The following GNB4 variants were observed in gnomAD, a reference collection of about 807,000 sequenced individuals.
GNB4 encodes G protein subunit beta 4.
A neutral mutation model predicts 45.2 loss-of-function variants in GNB4; 28 were observed. That is an observed-to-expected ratio of 0.62 (90% CI 0.46 to 0.85). The LOEUF is 0.85. Among genes scored for constraint, GNB4 ranks in the 40% least tolerant of loss-of-function variants. The pLI, the probability that GNB4 is intolerant of heterozygous loss-of-function variation, is 0.00. For missense variants in GNB4, 321 were observed against 425.4 expected (o/e 0.75, Z 2.16); for synonymous variants, 132 against 143.7 (o/e 0.92, Z 0.58).
At chr3:179,436,390 CAAAATAAAATAAAATGAAAT>C (rs1308448971) in intron 1 of GNB4, among the ~76,000 whole-genome samples, 1 of 152,008 alleles carries the variant, frequency 6.6e-6, no homozygotes, top group East Asian at 1.9e-4. Flanking sequence ...AACTCCATCT[CAAAATAAAATAAAATGAAAT>C]AAAATAAAAT....
intron 1 of GNB4, among the ~76,000 whole-genome samples, chr3:179,435,439 T>C (rs1715417532): frequency 7.9e-6 from 1 of 126,920 alleles, no homozygotes. Context: ...TAAAGAGGAA[T>C]ATGAGATACA....
In GNB4 at chr3:179,451,412, G is replaced by C. The variant is rs1482111837; in HGVS notation, c.-109C>G. On this transcript the variant is annotated 5_prime_UTR_variant, in exon 1 of 10. Transcript: ENST00000232564. Reference sequence around the variant, plus strand: ...GTCCGCTGGGCGCTCAGCAGCCCCTGGAGCGCGGAGCCGGCGTGGAGAGCG... The same window carrying C: ...GTCCGCTGGGCGCTCAGCAGCCCCTCGAGCGCGGAGCCGGCGTGGAGAGCG... 5.3e-5 allele frequency: 8 copies of C among 151,192 alleles called. No homozygotes were observed. Among genetic ancestry groups the C allele is most frequent in the African/African-American group, 1.7e-4 (7 of 41,336 alleles). 9.4% of individuals were successfully genotyped at this position (151,192 alleles called of 1,614,324 possible). A position where few individuals can be genotyped will look rare whatever the true frequency, so the allele number is the denominator to read the frequency against.
chr3:179,515,296 T>C, the GNB4 span, among the ~76,000 whole-genome samples: 1 of 152,176 alleles, frequency 6.6e-6, no homozygotes, highest in Non-Finnish European at 1.5e-5. Context: ...ATTTTACAGA[T>C]TAGGAAGCTG....
At chr3:179,409,339 G>A (rs553103629) in intron 8 of GNB4, among the ~76,000 whole-genome samples, 7 of 150,846 alleles carry the variant, frequency 4.6e-5, no homozygotes, top group Admixed American at 2.6e-4. Flanking sequence ...GAGAAACCTC[G>A]TCTCCACTAA....
At chr3:179,412,215 C>T (rs1427179356) in intron 8 of GNB4, among the ~76,000 whole-genome samples, 1 of 152,094 alleles carries the variant, frequency 6.6e-6, no homozygotes, top group Non-Finnish European at 1.5e-5. Flanking sequence ...TCCTTGTAAT[C>T]CCAGCACTTT....
At chr3:179,496,465 C>G in the GNB4 span, among the ~76,000 whole-genome samples, 1 of 152,012 alleles carries the variant, frequency 6.6e-6, no homozygotes, top group Non-Finnish European at 1.5e-5. Context: ...AGACAACAAA[C>G]AAGACGGCAA....
At chr3:179,469,102 C>G in the GNB4 span, among the ~76,000 whole-genome samples, 1 of 152,194 alleles carries the variant, frequency 6.6e-6, no homozygotes, top group Non-Finnish European at 1.5e-5. Flanking sequence ...TGCTCCCCTT[C>G]TCTTGGAGTT....
chr3:179,451,471 A>C (rs1715873719), upstream of GNB4: 1 of 150,798 alleles, frequency 6.6e-6, no homozygotes, highest in African/African-American at 2.4e-5. Context: ...CGCCGGCCAC[A>C]CCCAGTCCCG....
the GNB4 span, among the ~76,000 whole-genome samples, chr3:179,461,674 C>A: frequency 1.4e-4 from 22 of 152,288 alleles, no homozygotes; most frequent in African/African-American, 5.3e-4. Flanking sequence ...CAATGATTGT[C>A]TAATAAATCT....
the GNB4 span, chr3:179,464,563 T>G: frequency 6.5e-7 from 1 of 1,548,014 alleles, no homozygotes; most frequent in South Asian, 1.1e-5. Flanking sequence ...CTGAGCATGA[T>G]CCTGGTTGGC....
the GNB4 span, among the ~76,000 whole-genome samples, chr3:179,477,428 G>C: frequency 6.6e-6 from 1 of 152,150 alleles, no homozygotes; most frequent in African/African-American, 2.4e-5. Context: ...AAGCCCTCAG[G>C]TTGGACAAAA....
the GNB4 span, among the ~76,000 whole-genome samples, chr3:179,501,309 T>G: frequency 6.6e-6 from 1 of 151,562 alleles, no homozygotes; most frequent in Non-Finnish European, 1.5e-5. Context: ...TTTTTTTTTT[T>G]TTTTTTTGAG....
chr3:179,509,393 A>G, the GNB4 span, among the ~76,000 whole-genome samples: 1 of 152,306 alleles, frequency 6.6e-6, no homozygotes, highest in East Asian at 1.9e-4. Flanking sequence ...AGATATTCAC[A>G]CTGGCATTCT....
the GNB4 span, among the ~76,000 whole-genome samples, chr3:179,472,991 T>G: frequency 0.028 from 4,215 of 152,162 alleles, 98 homozygotes; most frequent in Non-Finnish European, 0.047. Flanking sequence ...GTGAAACCCC[T>G]TCTCTACTAA....
At chr3:179,409,808 C>CAAAA (rs56675254) in intron 8 of GNB4, among the ~76,000 whole-genome samples, 1 of 107,324 alleles carries the variant, frequency 9.3e-6, no homozygotes, top group Non-Finnish European at 1.9e-5. Context: ...GACTCTGTCT[C>CAAAA]AAAAAAAAAA....
chr3:179,414,809 A>ATCTG, intron 6 of GNB4, 76 bp downstream of exon 6: 1 of 1,222,278 alleles, frequency 8.2e-7, no homozygotes, highest in African/African-American at 1.5e-5. Flanking sequence ...GCCGAGCACA[A>ATCTG]TCTGTCATTT....
chr3:179,416,469 A>T, intron 5 of GNB4, 24 bp downstream of exon 5: 1 of 1,374,168 alleles, frequency 7.3e-7, no homozygotes, highest in Non-Finnish European at 1.0e-6. Flanking sequence ...AAGGTTATTT[A>T]AAAGAATTAT....
chr3:179,409,830 A>G (rs756902656), intron 8 of GNB4, among the ~76,000 whole-genome samples: 1 of 114,260 alleles, frequency 8.8e-6, no homozygotes, highest in Non-Finnish European at 1.8e-5. Context: ...CAAAAAAACA[A>G]AACAAAAAAA....
the GNB4 span, among the ~76,000 whole-genome samples, chr3:179,475,301 A>C: frequency 1.3e-5 from 2 of 150,312 alleles, no homozygotes; most frequent in Non-Finnish European, 3.0e-5. Context: ...GTATTTTTAT[A>C]ATTGCAGACA....
Sources: allele counts gnomAD v4.1 joint callset (sites outside exome capture counted in the v4.1 genomes callset), GRCh38; gene constraint gnomAD v4.1.1; transcripts MANE v1.5; gene names NCBI Gene and HGNC (gene_info 2026-07-23, HGNC 2026-07-21).